LDLRAD3: variants seen among roughly 807,000 people sequenced by gnomAD.
The protein encoded by LDLRAD3 is low-density lipoprotein receptor class A domain-containing protein 3.
LDLRAD3 carries 20 observed loss-of-function variants against 29.4 expected under a neutral mutation model. The ratio of observed to expected loss-of-function variants is 0.68; its 90% CI spans 0.48 to 0.99. The LOEUF (loss-of-function observed/expected upper bound fraction) is 0.99. Among genes scored for constraint, LDLRAD3 ranks in the 50% least tolerant of loss-of-function variants. LDLRAD3 has a pLI of 0.00. For missense variants in LDLRAD3, 420 were observed against 454.3 expected, an observed-to-expected ratio of 0.92 and a Z score of 0.69; for synonymous variants, 157 against 192.7, an observed-to-expected ratio of 0.81 and a Z score of 1.53.
chr11:36,225,217 C>T (rs1195617469), intron 4 of LDLRAD3, among the ~76,000 whole-genome samples: 5 of 152,228 alleles, frequency 3.3e-5, no homozygotes, highest in East Asian at 1.9e-4. Context: ...GAAACCTCCT[C>T]ACTGCCTCAC....
chr11:36,095,238 C>A (rs1853342274), intron 3 of LDLRAD3, among the ~76,000 whole-genome samples: 1 of 152,158 alleles, frequency 6.6e-6, no homozygotes, highest in Non-Finnish European at 1.5e-5. Context: ...AAGTGAAATT[C>A]CTGGGCCATG....
At chr11:36,227,055 C>A (rs999220610) in intron 4 of LDLRAD3, 30 bp from the exon 5 acceptor site, 1 of 1,505,924 alleles carries the variant, frequency 6.6e-7, no homozygotes, top group Non-Finnish European at 9.0e-7. Context: ...GTAACCTTCT[C>A]TCTTTTCTCT....
chr11:36,051,955 G>C (rs73450472), intron 2 of LDLRAD3, among the ~76,000 whole-genome samples: 12,165 of 151,956 alleles, frequency 0.08, 797 homozygotes, highest in African/African-American at 0.16. Flanking sequence ...GGGGATGACT[G>C]AAAAGCTGCT....
chr11:36,135,196 A>G (rs891199693), intron 4 of LDLRAD3, among the ~76,000 whole-genome samples: 1 of 152,200 alleles, frequency 6.6e-6, no homozygotes, highest in Non-Finnish European at 1.5e-5. Flanking sequence ...TAATAAGCAC[A>G]GAGTTTTGCT....
At chr11:36,222,760 G>A (rs768833663) in intron 4 of LDLRAD3, among the ~76,000 whole-genome samples, 65 of 152,218 alleles carry the variant, frequency 4.3e-4, no homozygotes, top group African/African-American at 1.2e-3. Context: ...GAAGGCTGTC[G>A]TGATAACTAA....
At chr11:36,216,418 A>G (rs1271065539) in intron 4 of LDLRAD3, among the ~76,000 whole-genome samples, 2 of 152,240 alleles carry the variant, frequency 1.3e-5, no homozygotes, top group African/African-American at 2.4e-5. Flanking sequence ...GGCTCTGACA[A>G]GTCTTGTAAT....
At chr11:36,128,141 T>TATATATATATA (rs1250416156) in intron 4 of LDLRAD3, among the ~76,000 whole-genome samples, 35 of 129,478 alleles carry the variant, frequency 2.7e-4, no homozygotes, top group East Asian at 7.9e-4. Flanking sequence ...TATATGTATA[T>TATATATATATA]GACATGTAGG....
At chr11:36,175,728 T>C (rs867881070) in intron 4 of LDLRAD3, among the ~76,000 whole-genome samples, 10 of 152,192 alleles carry the variant, frequency 6.6e-5, no homozygotes, top group Non-Finnish European at 4.4e-5. Flanking sequence ...TGTGGCCTAT[T>C]ATATGGTCTG....
intron 1 of LDLRAD3, among the ~76,000 whole-genome samples, chr11:36,029,724 A>G (rs886565094): frequency 1.3e-5 from 2 of 152,176 alleles, no homozygotes; most frequent in African/African-American, 4.8e-5. Context: ...AATAACAGCC[A>G]TTGGCTTTCT....
chr11:36,103,498 C>T (rs1853481898), intron 4 of LDLRAD3, among the ~76,000 whole-genome samples: 1 of 152,172 alleles, frequency 6.6e-6, no homozygotes, highest in Admixed American at 6.5e-5. Flanking sequence ...CTCGGCCTCC[C>T]AAAGTGCTGG....
chr11:36,103,503 T>G (rs1243931164), intron 4 of LDLRAD3, among the ~76,000 whole-genome samples: 1 of 152,128 alleles, frequency 6.6e-6, no homozygotes, highest in African/African-American at 2.4e-5. Flanking sequence ...CCTCCCAAAG[T>G]GCTGGGATTA....
intron 4 of LDLRAD3, among the ~76,000 whole-genome samples, chr11:36,133,547 C>CTTT (rs67935336): frequency 1.5e-4 from 18 of 119,892 alleles, no homozygotes; most frequent in African/African-American, 2.2e-4. Flanking sequence ...TTTTTCTTTT[C>CTTT]TTTTTTTTTT....
At position 36,213,793 on chromosome 11, in the gene LDLRAD3, C is replaced by G. The variant is rs959624682; in HGVS notation, c.455-13292C>G. On this transcript the variant is annotated intron_variant, in intron 4 of 5. Coordinates refer to ENST00000315571, the MANE Select transcript of LDLRAD3 (RefSeq NM_174902.4). This position sits in a 1 kb window ranked among gnomAD's most constrained non-coding sequence, Gnocchi z 4.1. ...TCCATCGCATCACAGCTTGGAGGCT[C>G]TGTGCCCCTGTGAATCCCAACTGTT... 2.0e-5 allele frequency among the ~76,000 whole-genome samples: 3 copies of G among 152,186 alleles called. No individual in the cohort carries two copies. Among genetic ancestry groups the G allele is most frequent in the Admixed American group, 6.5e-5 (1 of 15,280 alleles).
chr11:36,073,451 A>C (rs1417403074), intron 2 of LDLRAD3, among the ~76,000 whole-genome samples: 1 of 152,234 alleles, frequency 6.6e-6, no homozygotes, highest in Non-Finnish European at 1.5e-5. Context: ...GCTGAGTTCT[A>C]CGAGGAAATC....
In LDLRAD3 at chr11:35,988,592, T is replaced by G. The variant is rs116026515; in HGVS notation, c.46+44448T>G. Among the ~76,000 whole-genome samples the G allele has an allele frequency of 7.1e-3, 1,074 of 152,184 alleles. 15 individuals are homozygous for G. Among genetic ancestry groups the G allele is most frequent in the African/African-American group, 0.024 (982 of 41,512 alleles). ...ATTAGGTCCCACTTGTCAATTTTTT[T>G]TTTGTTTTTGAGTTGGAGTCTTGCT... is the stretch of plus-strand genomic sequence containing the variant. On this transcript the variant is annotated intron_variant, in intron 1 of 5. Coordinates refer to ENST00000315571, the MANE Select transcript of LDLRAD3 (RefSeq NM_174902.4).
At chr11:35,980,777 G>GTTTCT (rs1466312559) in intron 1 of LDLRAD3, among the ~76,000 whole-genome samples, 2 of 152,162 alleles carry the variant, frequency 1.3e-5, no homozygotes, top group Admixed American at 1.3e-4. Flanking sequence ...AGCTATGAGA[G>GTTTCT]TTTCTACTTA....
chr11:36,149,360 A>G (rs1854242561), intron 4 of LDLRAD3, among the ~76,000 whole-genome samples: 2 of 152,224 alleles, frequency 1.3e-5, no homozygotes, highest in South Asian at 4.1e-4. Flanking sequence ...AAATGCAAAG[A>G]CCATCCTGGA....
At chr11:36,168,017 C>T (rs1213541922) in intron 4 of LDLRAD3, among the ~76,000 whole-genome samples, 1 of 152,150 alleles carries the variant, frequency 6.6e-6, no homozygotes, top group Admixed American at 6.6e-5. Flanking sequence ...CTTAGACTCC[C>T]GAGTTGGTCT....
chr11:36,159,314 A>T (rs570309169), intron 4 of LDLRAD3, among the ~76,000 whole-genome samples: 3 of 152,064 alleles, frequency 2.0e-5, no homozygotes, highest in South Asian at 2.1e-4. Context: ...TAAAAATTTT[A>T]AAAAACTTGC....
Sources: allele counts gnomAD v4.1 joint callset (sites outside exome capture counted in the v4.1 genomes callset), GRCh38; gene constraint gnomAD v4.1.1; non-coding constraint Gnocchi (gnomAD v3.1); transcripts MANE v1.5; gene names NCBI Gene and HGNC (gene_info 2026-07-23, HGNC 2026-07-21).